STK32A: variants seen among roughly 807,000 people sequenced by gnomAD.
STK32A encodes serine/threonine-protein kinase 32A.
In STK32A, 41 loss-of-function variants were observed where a neutral mutation model predicts 53.2. The ratio of observed to expected loss-of-function variants is 0.77; its 90% CI spans 0.60 to 1.00. The LOEUF (loss-of-function observed/expected upper bound fraction) is 1.00. STK32A is among the 50% of genes least tolerant of loss of function. STK32A has a pLI of 0.00. For synonymous variants in STK32A, 166 were observed against 162.8 expected (o/e 1.02, Z -0.15); for missense variants, 458 against 485.8 (o/e 0.94, Z 0.54).
intron 4 of STK32A, among the ~76,000 whole-genome samples, chr5:147,318,190 C>T (rs572733996): frequency 6.6e-6 from 1 of 151,858 alleles, no homozygotes; most frequent in Non-Finnish European, 1.5e-5. Flanking sequence ...GAACTTTGTT[C>T]TTTTCCTTCG....
chr5:147,401,357 T>C, the STK32A span, among the ~76,000 whole-genome samples: 7 of 152,228 alleles, frequency 4.6e-5, no homozygotes, highest in Admixed American at 4.6e-4. Flanking sequence ...TGTATTAATG[T>C]TTAAAACAGG....
intron 4 of STK32A, among the ~76,000 whole-genome samples, chr5:147,303,502 T>C (rs191442218): frequency 6.6e-6 from 1 of 152,234 alleles, no homozygotes; most frequent in African/African-American, 2.4e-5. Flanking sequence ...TCCTATTGGC[T>C]AAAGTAAATC....
intron 11 of STK32A, 114 bp from the exon 12 acceptor site, chr5:147,383,327 C>G: frequency 1.2e-6 from 1 of 852,422 alleles, no homozygotes; most frequent in Non-Finnish European, 1.9e-6. Context: ...ATACTACTTA[C>G]TTCTCAATTT....
At chr5:147,237,645 A>C (rs1753378679) in intron 1 of STK32A, among the ~76,000 whole-genome samples, 1 of 152,054 alleles carries the variant, frequency 6.6e-6, no homozygotes, top group Non-Finnish European at 1.5e-5. Context: ...CCTCTCTCAT[A>C]CCATTTAATT....
At chr5:147,379,237 G>T (rs930795289) in intron 11 of STK32A, among the ~76,000 whole-genome samples, 57 of 151,668 alleles carry the variant, frequency 3.8e-4, no homozygotes, top group Admixed American at 4.6e-4. Flanking sequence ...TGTTGTTGGT[G>T]TATAGGAATG....
intron 4 of STK32A, among the ~76,000 whole-genome samples, chr5:147,294,681 CT>C (rs560956676): frequency 4.2e-5 from 6 of 142,528 alleles, no homozygotes; most frequent in Non-Finnish European, 7.8e-5. Flanking sequence ...TTTTTTTTTT[CT>C]TTTTTCTTTT....
chr5:147,284,696 C>CA (rs869167577), intron 4 of STK32A, among the ~76,000 whole-genome samples: 21 of 51,662 alleles, frequency 4.1e-4, no homozygotes, highest in African/African-American at 1.1e-3. Flanking sequence ...CAAGACAAAA[C>CA]AAAAAAACAA....
In STK32A at chr5:147,257,819, G is replaced by A. The variant is rs752127669; in HGVS notation, c.52+18133G>A. Reference sequence around the variant, plus strand: ...TGTGCTAAAAGACTTTTAGTTTTGAGGGAAAGGAAAATGGAAGATAAACCA... The same window carrying A: ...TGTGCTAAAAGACTTTTAGTTTTGAAGGAAAGGAAAATGGAAGATAAACCA... On this transcript the variant is annotated intron_variant, in intron 2 of 12. Transcript: ENST00000397936. 5.3e-5 allele frequency among the ~76,000 whole-genome samples: 8 copies of A among 152,132 alleles called. No homozygotes were observed. The South Asian group carries it at 1.0e-3, about 20-fold the overall frequency.
At chr5:147,400,309 C>T in the STK32A span, among the ~76,000 whole-genome samples, 1 of 152,158 alleles carries the variant, frequency 6.6e-6, no homozygotes, top group Non-Finnish European at 1.5e-5. Context: ...TTGGTCTAGA[C>T]ACAGACTCAT....
intron 4 of STK32A, among the ~76,000 whole-genome samples, chr5:147,305,042 C>G (rs1352468322): frequency 1.1e-4 from 16 of 151,828 alleles, no homozygotes; most frequent in Non-Finnish European, 2.9e-5. Flanking sequence ...AGTGATTACT[C>G]CACTGCACTC....
chr5:147,338,343 G>A (rs1279297128), intron 5 of STK32A, among the ~76,000 whole-genome samples: 2 of 152,108 alleles, frequency 1.3e-5, no homozygotes, highest in Non-Finnish European at 2.9e-5. Context: ...ATCACCTTCT[G>A]CCATGATTGT....
At chr5:147,312,424 T>C (rs1434752974) in intron 4 of STK32A, among the ~76,000 whole-genome samples, 1 of 152,168 alleles carries the variant, frequency 6.6e-6, no homozygotes, top group Admixed American at 6.5e-5. Flanking sequence ...CTATAAATAT[T>C]ATATGGTAGT....
chr5:147,238,732 C>T (rs913179442), intron 1 of STK32A, among the ~76,000 whole-genome samples: 2 of 151,472 alleles, frequency 1.3e-5, no homozygotes, highest in African/African-American at 4.9e-5. Flanking sequence ...TATTATTTAA[C>T]TTAATATATA....
At chr5:147,268,699 T>G (rs1042176483) in intron 2 of STK32A, among the ~76,000 whole-genome samples, 1 of 152,204 alleles carries the variant, frequency 6.6e-6, no homozygotes, top group Admixed American at 6.5e-5. Context: ...AATATGCATT[T>G]CAAGATCAGA....
intron 6 of STK32A, among the ~76,000 whole-genome samples, chr5:147,348,347 T>C (rs1755788003): frequency 6.6e-6 from 1 of 152,214 alleles, no homozygotes; most frequent in Admixed American, 6.5e-5. Context: ...GGCCCTCTTT[T>C]AAAAATGTAA....
rs56690647 is a variant in STK32A, at chr5:147,360,450, C to CAAA, written c.563-1052_563-1050dup. ...TGGGCAATGGAGTGAGATTCTGTCTCAAAAAAAAAAAAAAAAAGAAAAAAA... is the reference window on the plus strand; with the variant it reads ...TGGGCAATGGAGTGAGATTCTGTCTCAAAAAAAAAAAAAAAAAAAAGAAAAAAA... On this transcript the variant is annotated intron_variant, in intron 7 of 12. Coordinates refer to ENST00000397936, the MANE Select transcript of STK32A (RefSeq NM_001112724.2). Among the ~76,000 whole-genome samples, 111 of 81,138 alleles carry CAAA rather than the reference C, an allele frequency of 1.4e-3. 2 individuals carry two copies. The highest frequency in any genetic ancestry group is 6.3e-3 in the Middle Eastern group (1 of 158). The allele number at this position is 81,138 out of a possible 152,430, so 53.2% of individuals were successfully genotyped here.
intron 5 of STK32A, among the ~76,000 whole-genome samples, chr5:147,334,235 A>G (rs1755007874): frequency 6.6e-6 from 1 of 152,198 alleles, no homozygotes; most frequent in African/African-American, 2.4e-5. Context: ...TCACTACCAC[A>G]TAAAGTAGTT....
At chr5:147,257,228 G>T (rs953435949) in intron 2 of STK32A, among the ~76,000 whole-genome samples, 1 of 149,682 alleles carries the variant, frequency 6.7e-6, no homozygotes, top group South Asian at 2.2e-4. Context: ...ACCAACTACA[G>T]CATAAAAGCT....
At chr5:147,393,773 C>G in the STK32A span, 12 of 478,446 alleles carry the variant, frequency 2.5e-5, no homozygotes, top group African/African-American at 2.3e-4. Context: ...GACTCTTTTA[C>G]CTTAGTGGCC....
Sources: allele counts gnomAD v4.1 joint callset (sites outside exome capture counted in the v4.1 genomes callset), GRCh38; gene constraint gnomAD v4.1.1; transcripts MANE v1.5; gene names NCBI Gene and HGNC (gene_info 2026-07-23, HGNC 2026-07-21).